The following RRAGD variants were observed in gnomAD, a reference collection of about 807,000 sequenced individuals.
RRAGD encodes the protein ras-related GTP-binding protein D.
Under a neutral mutation model 35.5 loss-of-function variants are expected in RRAGD, and 12 were observed. The observed-to-expected ratio is 0.34, with a 90% confidence interval of 0.22 to 0.55. The LOEUF (loss-of-function observed/expected upper bound fraction) is 0.55, where lower values mean the gene tolerates loss of function less well. RRAGD is among the 20% of genes least tolerant of loss of function. The pLI, the probability that RRAGD is intolerant of heterozygous loss-of-function variation, is 0.91. For synonymous variants in RRAGD, 155 were observed against 178.9 expected (o/e 0.87, Z 1.07); for missense variants, 324 against 490.1 (o/e 0.66, Z 3.20).
intron 1 of RRAGD, among the ~76,000 whole-genome samples, chr6:89,407,535 G>C (rs941853449): frequency 6.6e-6 from 1 of 152,124 alleles, no homozygotes; most frequent in African/African-American, 2.4e-5. Flanking sequence ...CCACCTATTG[G>C]GGAGGCTGAG....
At chr6:89,379,044 A>G (rs1447976816) in intron 4 of RRAGD, among the ~76,000 whole-genome samples, 180 bp downstream of exon 4, 1 of 152,244 alleles carries the variant, frequency 6.6e-6, no homozygotes, top group Non-Finnish European at 1.5e-5. Context: ...GTGAGCCATC[A>G]AGCTGGGCTG....
intron 1 of RRAGD, among the ~76,000 whole-genome samples, chr6:89,399,907 GTGGGAC>G (rs1251401785): frequency 6.6e-6 from 1 of 151,882 alleles, no homozygotes; most frequent in East Asian, 1.9e-4. Context: ...CCCGGTCTGG[GTGGGAC>G]ATTTCTACAA....
intron 1 of RRAGD, among the ~76,000 whole-genome samples, chr6:89,408,440 G>GC (rs1277097008): frequency 6.6e-6 from 1 of 152,124 alleles, no homozygotes; most frequent in Admixed American, 6.5e-5. Context: ...GATTGCTTGA[G>GC]CCCACAAGTC....
At chr6:89,379,074 T>C (rs1236262568) in intron 4 of RRAGD, 150 bp downstream of exon 4, 9 of 508,600 alleles carry the variant, frequency 1.8e-5, no homozygotes, top group African/African-American at 7.9e-5. Context: ...TTTTAAAGGA[T>C]CTAAAAGAAC....
At chr6:89,385,518 G>A (rs1275033957) in intron 2 of RRAGD, among the ~76,000 whole-genome samples, 1 of 152,190 alleles carries the variant, frequency 6.6e-6, no homozygotes, top group Non-Finnish European at 1.5e-5. Flanking sequence ...CCTAATTTAT[G>A]GTGCTGGCAG....
intron 2 of RRAGD, among the ~76,000 whole-genome samples, chr6:89,380,956 A>G (rs1383935742): frequency 6.6e-6 from 1 of 151,948 alleles, no homozygotes; most frequent in Non-Finnish European, 1.5e-5. Context: ...AGGAAGAGAA[A>G]CGGACCCTAC....
At chr6:89,391,171 G>C (rs546640605) in intron 1 of RRAGD, among the ~76,000 whole-genome samples, 1 of 152,048 alleles carries the variant, frequency 6.6e-6, no homozygotes, top group African/African-American at 2.4e-5. Context: ...GGTTGCTTGA[G>C]GCCAGGAGTT....
At chr6:89,403,627 CT>C (rs10715442) in intron 1 of RRAGD, among the ~76,000 whole-genome samples, 29,645 of 116,134 alleles carry the variant, frequency 0.26, 2,532 homozygotes, top group South Asian at 0.29. Flanking sequence ...TTTTCTTTTT[CT>C]TTTTTTTTTT....
intron 1 of RRAGD, among the ~76,000 whole-genome samples, chr6:89,389,003 G>A (rs1433409764): frequency 6.6e-6 from 1 of 152,170 alleles, no homozygotes; most frequent in Non-Finnish European, 1.5e-5. Context: ...AGTAATGCGA[G>A]CAATGGGGAG....
intron 5 of RRAGD, among the ~76,000 whole-genome samples, chr6:89,374,930 T>A (rs1173369252): frequency 1.3e-5 from 2 of 152,222 alleles, no homozygotes; most frequent in Non-Finnish European, 2.9e-5. Flanking sequence ...CTCTTGCTTA[T>A]AAGTAATGTT....
At position 89,367,021 on chromosome 6, in the gene RRAGD, G is replaced by T. The variant is rs1768763806; in HGVS notation, c.*1035C>A. ...GGATTGAGCTCCATGGTGGGGTTCT[G>T]CGATTTGTTCTATTCACTATGGTCA... On this transcript the variant is annotated 3_prime_UTR_variant, in exon 7 of 7. Coordinates refer to ENST00000369415, the MANE Select transcript of RRAGD (RefSeq NM_021244.5). 1 of 152,226 alleles carries T rather than the reference G, an allele frequency of 6.6e-6. No individual in the cohort carries two copies. Among genetic ancestry groups the T allele is most frequent in the African/African-American group, 2.4e-5 (1 of 41,442 alleles). 9.4% of individuals were successfully genotyped at this position (152,226 alleles called of 1,614,324 possible).
rs1358808942 is a variant in RRAGD at position 89,411,528 on chromosome 6, G to A, written c.148+318C>T. On this transcript the variant is annotated intron_variant, in intron 1 of 6. Transcript: ENST00000369415. This position sits in a 1 kb window ranked among gnomAD's most constrained non-coding sequence, Gnocchi z 5.6. The stretch of plus-strand genomic sequence containing the variant: ...CCCCTCCCCAACCGCCAGACGCTGC[G>A]GAGAGCTTGGGGTGAGGGGCGCGGG... The A allele has an allele frequency of 6.2e-6, 2 of 324,042 alleles. No individual in the cohort carries two copies. Among genetic ancestry groups the A allele is most frequent in the African/African-American group, 4.4e-5 (2 of 45,670 alleles). 20.1% of individuals were successfully genotyped at this position (324,042 alleles called of 1,614,324 possible).
intron 1 of RRAGD, among the ~76,000 whole-genome samples, chr6:89,398,202 A>T (rs1769378180): frequency 6.6e-6 from 1 of 152,134 alleles, no homozygotes; most frequent in African/African-American, 2.4e-5. Flanking sequence ...GAAAGGTCAG[A>T]GGGAGGAAGA....
intron 1 of RRAGD, among the ~76,000 whole-genome samples, chr6:89,400,055 G>A (rs1769427835): frequency 6.6e-6 from 1 of 152,108 alleles, no homozygotes; most frequent in East Asian, 1.9e-4. Flanking sequence ...AATCAGCTCT[G>A]TTTGTAACAT....
In RRAGD at chr6:89,366,423, TA is replaced by T. The variant is rs1768746607; in HGVS notation, c.*1632del. On this transcript the variant is annotated 3_prime_UTR_variant, in exon 7 of 7. Coordinates refer to ENST00000369415, the MANE Select transcript of RRAGD (RefSeq NM_021244.5). ...TGTGCACACCTGTAGTTCTAGCTACTAGGGAGGCTGAGGTGGAAGGATCCCT... is the reference window on the plus strand; with the variant it reads ...TGTGCACACCTGTAGTTCTAGCTACTGGGAGGCTGAGGTGGAAGGATCCCT... 1.3e-5 allele frequency: 2 copies of T among 151,368 alleles called. No individual in the cohort carries two copies. Among genetic ancestry groups the T allele is most frequent in the South Asian group, 4.2e-4 (2 of 4,814 alleles). 9.4% of individuals were successfully genotyped at this position (151,368 alleles called of 1,614,324 possible). A position where few individuals can be genotyped will look rare whatever the true frequency, so the allele number is the denominator to read the frequency against.
rs1362921030 is a variant in RRAGD at position 89,369,600 on chromosome 6, T to C, written c.1052-1393A>G. On this transcript the variant is annotated intron_variant, in intron 6 of 6. Coordinates refer to ENST00000369415, the MANE Select transcript of RRAGD (RefSeq NM_021244.5). The stretch of plus-strand genomic sequence containing the variant: ...TTGAATTTTTCCTAGAGATGAGGTC[T>C]CACTATGTTGCCCAGGATGGTCTTG... Among the ~76,000 whole-genome samples the C allele has an allele frequency of 2.0e-5, 3 of 152,146 alleles. No individual in the cohort carries two copies. The South Asian group carries it at 6.2e-4, about 32-fold the overall frequency.
chr6:89,387,621 G>C, intron 1 of RRAGD, 31 bp from the exon 2 acceptor site: 1 of 1,586,412 alleles, frequency 6.3e-7, no homozygotes, highest in South Asian at 1.1e-5. Flanking sequence ...GAATGAAGGT[G>C]AGATGCTTTC....
At chr6:89,397,497 G>A (rs182250252) in intron 1 of RRAGD, among the ~76,000 whole-genome samples, 72 of 152,116 alleles carry the variant, frequency 4.7e-4, no homozygotes, top group African/African-American at 1.7e-3. Flanking sequence ...CCAGCTACTC[G>A]GGAGGCTGAG....
intron 1 of RRAGD, among the ~76,000 whole-genome samples, chr6:89,401,905 C>T (rs1358853728): frequency 6.6e-6 from 1 of 152,072 alleles, no homozygotes. Flanking sequence ...AGGCAAAATA[C>T]AAGGTAGCAC....
Sources: allele counts gnomAD v4.1 joint callset (sites outside exome capture counted in the v4.1 genomes callset), GRCh38; gene constraint gnomAD v4.1.1; non-coding constraint Gnocchi (gnomAD v3.1); transcripts MANE v1.5; gene names NCBI Gene and HGNC (gene_info 2026-07-23, HGNC 2026-07-21).